Variants in XKR4 observed in about 807,000 individuals in gnomAD.
XKR4 encodes the protein XK related 4.
Under a neutral mutation model 53.9 loss-of-function variants are expected in XKR4, and 12 were observed. The ratio of observed to expected loss-of-function variants is 0.22; its 90% CI spans 0.14 to 0.36. The LOEUF is 0.36. Ranked by LOEUF, XKR4 falls within the 10% of genes least tolerant of loss-of-function variation. The pLI is 1.00. For synonymous variants in XKR4, 354 were observed against 362.4 expected (o/e 0.98, Z 0.26); for missense variants, 799 against 859.5 (o/e 0.93, Z 0.88).
chr8:55,261,845 T>G (rs1381667683), intron 1 of XKR4, among the ~76,000 whole-genome samples: 2 of 152,062 alleles, frequency 1.3e-5, no homozygotes, highest in Non-Finnish European at 2.9e-5. Context: ...TGATATTAAG[T>G]TCTCATCTAA....
intron 1 of XKR4, among the ~76,000 whole-genome samples, chr8:55,179,240 C>A (rs531534624): frequency 6.6e-6 from 1 of 152,088 alleles, no homozygotes; most frequent in East Asian, 1.9e-4. Flanking sequence ...GCTAATTTTT[C>A]TGAGATGGTT....
intron 2 of XKR4, among the ~76,000 whole-genome samples, chr8:55,463,348 A>G (rs902467962): frequency 1.3e-5 from 2 of 152,076 alleles, no homozygotes; most frequent in African/African-American, 4.8e-5. Context: ...ACTACATGGA[A>G]ACTGAACAAC....
intron 2 of XKR4, among the ~76,000 whole-genome samples, chr8:55,414,126 C>T (rs1024079347): frequency 2.2e-4 from 33 of 152,040 alleles, no homozygotes; most frequent in African/African-American, 7.7e-4. Context: ...GAAAGAGAAA[C>T]CTCAAGCAGA....
intron 1 of XKR4, among the ~76,000 whole-genome samples, chr8:55,234,889 C>T (rs36116202): frequency 6.6e-6 from 1 of 152,186 alleles, no homozygotes; most frequent in African/African-American, 2.4e-5. Flanking sequence ...AACATGAGCT[C>T]TGCATCCCGG....
At chr8:55,307,190 G>C (rs1309271473) in intron 1 of XKR4, among the ~76,000 whole-genome samples, 2 of 152,108 alleles carry the variant, frequency 1.3e-5, no homozygotes, top group Admixed American at 6.6e-5. Flanking sequence ...CTCTGCTAAG[G>C]GGATGAAAAG....
intron 1 of XKR4, among the ~76,000 whole-genome samples, chr8:55,213,163 C>G (rs1054623619): frequency 1.3e-5 from 2 of 152,150 alleles, no homozygotes; most frequent in Non-Finnish European, 2.9e-5. Flanking sequence ...CCTCATTTTC[C>G]TAACCCTCAG....
intron 2 of XKR4, among the ~76,000 whole-genome samples, chr8:55,385,209 T>A (rs1046637369): frequency 6.6e-6 from 1 of 152,170 alleles, no homozygotes; most frequent in African/African-American, 2.4e-5. Flanking sequence ...AGGCCCTGCC[T>A]ACTCTCCGCC....
At chr8:55,293,271 G>C (rs1819056140) in intron 1 of XKR4, among the ~76,000 whole-genome samples, 1 of 152,086 alleles carries the variant, frequency 6.6e-6, no homozygotes, top group Non-Finnish European at 1.5e-5. Flanking sequence ...AGAGGCAAAG[G>C]TTGCAGTGAG....
intron 1 of XKR4, among the ~76,000 whole-genome samples, chr8:55,230,401 C>G (rs555421427): frequency 6.7e-6 from 1 of 148,672 alleles, no homozygotes; most frequent in Non-Finnish European, 1.5e-5. Context: ...TCTCTCCCAT[C>G]ACCCAGCCTT....
At chr8:55,341,505 G>T (rs897939919) in intron 1 of XKR4, among the ~76,000 whole-genome samples, 44 of 152,246 alleles carry the variant, frequency 2.9e-4, no homozygotes, top group African/African-American at 1.1e-3. Context: ...AGGCGCCCTG[G>T]ATTCTCTGTG....
intron 2 of XKR4, among the ~76,000 whole-genome samples, chr8:55,442,911 G>T (rs900841553): frequency 6.6e-6 from 1 of 152,094 alleles, no homozygotes; most frequent in Non-Finnish European, 1.5e-5. Flanking sequence ...ACACTGAATT[G>T]TACACTTTAA....
chr8:55,443,761 A>G (rs1440325960), intron 2 of XKR4, among the ~76,000 whole-genome samples: 138 of 148,820 alleles, frequency 9.3e-4, no homozygotes, highest in African/African-American at 3.4e-3. Context: ...GAATCACTTG[A>G]ATCCAGGAGG....
intron 1 of XKR4, among the ~76,000 whole-genome samples, chr8:55,128,228 C>T (rs1432653132): frequency 6.6e-6 from 1 of 152,116 alleles, no homozygotes; most frequent in Non-Finnish European, 1.5e-5. Context: ...TTCTTGACAT[C>T]CTCTCCAGGA....
chr8:55,398,033 AGTCTT>A, intron 2 of XKR4, among the ~76,000 whole-genome samples: 1 of 152,220 alleles, frequency 6.6e-6, no homozygotes, highest in Non-Finnish European at 1.5e-5. Context: ...AAATCTATCT[AGTCTT>A]TTTAAAGAAA....
At chr8:55,496,583 C>A (rs887595521) in intron 2 of XKR4, among the ~76,000 whole-genome samples, 8 of 152,166 alleles carry the variant, frequency 5.3e-5, no homozygotes, top group Admixed American at 5.2e-4. Context: ...TAAAACCAAT[C>A]TGCAATTACA....
chr8:55,442,366 T>C (rs1337315195), intron 2 of XKR4, among the ~76,000 whole-genome samples: 1 of 152,134 alleles, frequency 6.6e-6, no homozygotes, highest in Non-Finnish European at 1.5e-5. Context: ...ATTGGAACCA[T>C]AAAATATCAA....
chr8:55,475,361 G>A (rs1453570980), intron 2 of XKR4, among the ~76,000 whole-genome samples: 3 of 149,844 alleles, frequency 2.0e-5, no homozygotes, highest in Admixed American at 6.7e-5. Flanking sequence ...TCAGACCAGC[G>A]ATTCATAAAT....
rs73598840 is a variant in XKR4, at chr8:55,180,079, G to T, written c.806+76785G>T. 9.1e-3 allele frequency among the ~76,000 whole-genome samples: 1,385 copies of T among 152,210 alleles called. 23 individuals carry two copies. The highest frequency in any genetic ancestry group is 0.031 in the African/African-American group (1,286 of 41,522). On this transcript the variant is annotated intron_variant, in intron 1 of 2. Coordinates refer to ENST00000327381, the MANE Select transcript of XKR4 (RefSeq NM_052898.2). Reference sequence around the variant, plus strand: ...AAGCTATATCTTGATGTCAACACATGGATTATAAACCCTTCTATTTGAATT... The same window carrying T: ...AAGCTATATCTTGATGTCAACACATTGATTATAAACCCTTCTATTTGAATT...
chr8:55,422,853 T>G (rs1489411089), intron 2 of XKR4, among the ~76,000 whole-genome samples: 1 of 151,962 alleles, frequency 6.6e-6, no homozygotes, highest in African/African-American at 2.4e-5. Flanking sequence ...AGTAACAAGA[T>G]CTAAATGGGA....
Sources: allele counts gnomAD v4.1 joint callset (sites outside exome capture counted in the v4.1 genomes callset), GRCh38; gene constraint gnomAD v4.1.1; transcripts MANE v1.5; gene names NCBI Gene and HGNC (gene_info 2026-07-23, HGNC 2026-07-21).